The following DENND5A variants were observed in gnomAD, a reference collection of about 807,000 sequenced individuals.
DENND5A encodes the protein DENN domain-containing protein 5A.
Under a neutral mutation model 140.3 loss-of-function variants are expected in DENND5A, and 64 were observed. The ratio of observed to expected loss-of-function variants is 0.46; its 90% confidence interval spans 0.37 to 0.56. The LOEUF (loss-of-function observed/expected upper bound fraction) is 0.56, where lower values mean the gene tolerates loss of function less well. Among genes scored for constraint, DENND5A ranks in the 20% least tolerant of loss-of-function variants. DENND5A has a pLI of 0.00. For synonymous variants in DENND5A, 605 were observed against 607.7 expected (o/e 1.00, Z 0.07); for missense variants, 1,292 against 1,593.8 (o/e 0.81, Z 3.22).
chr11:9,150,891 T>C (rs752444619), intron 13 of DENND5A, 127 bp from the exon 14 acceptor site: 6 of 484,846 alleles, frequency 1.2e-5, no homozygotes, highest in Admixed American at 3.8e-5. Flanking sequence ...CTTTAATTGA[T>C]TGTTTCATAA....
Position 9,145,167 on chromosome 11 carries a change from G to A in DENND5A, c.3004-54C>T, listed in dbSNP as rs1847385411. The A allele has an allele frequency of 3.0e-6, 4 of 1,312,178 alleles. No individual in the cohort carries two copies. In the East Asian group the frequency reaches 6.9e-5, roughly 23 times the overall value. The allele number at this position is 1,312,178 out of a possible 1,614,324, so 81.3% of individuals were successfully genotyped here. A position where few individuals can be genotyped will look rare whatever the true frequency, so the allele number is the denominator to read the frequency against. On this transcript the variant is annotated intron_variant, in intron 17 of 22. Transcript: ENST00000328194. ...GTCAGGAAAATCAGAGAAAAGAACA[G>A]TAGTTCTCGGAGGCACAGATCTGAC... is the stretch of plus-strand genomic sequence containing the variant.
chr11:9,180,771 T>C lies in DENND5A; in HGVS notation c.1451A>G (p.Glu484Gly). 1 of 1,613,768 alleles carries C rather than the reference T, an allele frequency of 6.2e-7. No homozygotes were observed. The highest frequency in any genetic ancestry group is 8.5e-7 in the Non-Finnish European group (1 of 1,179,822). Residue 484 changes from glutamate to glycine, a missense_variant, in exon 6 of 23, where the codon GAA becomes GGA. Around this residue, in one of 4 missense-constraint regions of DENND5A, gnomAD observed 566 missense variants for 650.4 expected, o/e 0.87. Transcript: ENST00000328194. ...ALVKRTGVSL[E>G]KLEVREDPSS... ...AGACTCATATACACATCTTACCTTT[T>C]CCAGGCTCACCCCAGTTCTCTTGAC...
In DENND5A at chr11:9,246,818, TA is replaced by T. The variant is rs1851492846; in HGVS notation, c.109+18142del. The stretch of plus-strand genomic sequence containing the variant: ...AATCTTTGCATCTACCTACAACCCA[TA>T]AACCCCACTTCAAGACAGCGCTTCC... On this transcript the variant is annotated intron_variant, in intron 1 of 22. Transcript: ENST00000328194. Among the ~76,000 whole-genome samples, 5 of 152,130 alleles carry T rather than the reference TA, an allele frequency of 3.3e-5. No homozygotes were observed. The South Asian group carries it at 1.0e-3, about 32-fold the overall frequency.
At chr11:9,165,733 CAACAGTA>C (rs2136149124) in intron 11 of DENND5A, 96 bp downstream of exon 11, 7 of 1,366,622 alleles carry the variant, frequency 5.1e-6, no homozygotes, top group Non-Finnish European at 7.1e-6. Flanking sequence ...CACGCCCAGC[CAACAGTA>C]TTTTTAAAAT....
At chr11:9,237,747 G>A (rs1374402600) in intron 1 of DENND5A, among the ~76,000 whole-genome samples, 2 of 152,062 alleles carry the variant, frequency 1.3e-5, no homozygotes, top group Non-Finnish European at 1.5e-5. Flanking sequence ...GCCGGGCGTG[G>A]TGGCAAGCAC....
At chr11:9,207,453 A>G in intron 2 of DENND5A, 108 bp downstream of exon 2, 3 of 796,262 alleles carry the variant, frequency 3.8e-6, no homozygotes, top group Non-Finnish European at 6.2e-6. Flanking sequence ...AGTGGTCAAA[A>G]AAGGCACAAG....
chr11:9,208,659 A>G (rs964845599), intron 1 of DENND5A, among the ~76,000 whole-genome samples: 3 of 152,224 alleles, frequency 2.0e-5, no homozygotes, highest in African/African-American at 7.2e-5. Flanking sequence ...CAGCTCACTT[A>G]TTCACAATTT....
intron 4 of DENND5A, among the ~76,000 whole-genome samples, chr11:9,201,301 G>C (rs1004472048): frequency 7.9e-5 from 12 of 151,624 alleles, no homozygotes; most frequent in African/African-American, 2.9e-4. Context: ...CTTGAGTCCA[G>C]GATATCAAGA....
chr11:9,229,445 T>G (rs1401929304), intron 1 of DENND5A, among the ~76,000 whole-genome samples: 1 of 151,926 alleles, frequency 6.6e-6, no homozygotes, highest in Non-Finnish European at 1.5e-5. Context: ...AGAAGCAAAG[T>G]CTCTCCTTGC....
intron 12 of DENND5A, among the ~76,000 whole-genome samples, chr11:9,158,381 CAA>C (rs112287336): frequency 7.2e-6 from 1 of 139,534 alleles, no homozygotes; most frequent in Non-Finnish European, 1.6e-5. Flanking sequence ...CTCATCTCTA[CAA>C]AAAAAAAAAA....
At chr11:9,197,273 C>T (rs942599228) in intron 4 of DENND5A, among the ~76,000 whole-genome samples, 1 of 150,758 alleles carries the variant, frequency 6.6e-6, no homozygotes, top group Non-Finnish European at 1.5e-5. Flanking sequence ...CCACTGCACT[C>T]CAACCTGGGC....
intron 12 of DENND5A, among the ~76,000 whole-genome samples, chr11:9,159,291 T>C (rs927082706): frequency 8.5e-5 from 13 of 152,070 alleles, no homozygotes; most frequent in African/African-American, 2.9e-4. Context: ...ATGACACTAT[T>C]ATGACTAATG....
chr11:9,177,710 T>G (rs1303981855), intron 8 of DENND5A, among the ~76,000 whole-genome samples: 1 of 102,058 alleles, frequency 9.8e-6, no homozygotes, highest in African/African-American at 3.7e-5. Flanking sequence ...GAGGCTTTCA[T>G]TGACATCATT....
Position 9,139,373 on chromosome 11 carries a change from G to C in DENND5A, c.*298C>G, listed in dbSNP as rs1342505628. The stretch of plus-strand genomic sequence containing the variant: ...CACGCAGTGCCACAGGCTCAGTCCA[G>C]GGAGGCCTCAGGCTTCCAGCATGTG... On this transcript the variant is annotated 3_prime_UTR_variant, in exon 23 of 23. Coordinates refer to ENST00000328194, the MANE Select transcript of DENND5A (RefSeq NM_015213.4). 2.0e-5 allele frequency: 8 copies of C among 396,116 alleles called. No individual in the cohort carries two copies. Among genetic ancestry groups the C allele is most frequent in the Non-Finnish European group, 4.7e-6 (1 of 214,330 alleles). The allele number at this position is 396,116 out of a possible 1,614,324, so 24.5% of individuals were successfully genotyped here. A position where few individuals can be genotyped will look rare whatever the true frequency, so the allele number is the denominator to read the frequency against.
At chr11:9,162,863 ATTT>A (rs61181938) in intron 11 of DENND5A, among the ~76,000 whole-genome samples, 50,055 of 136,742 alleles carry the variant, frequency 0.37, 8,957 homozygotes, top group Non-Finnish European at 0.43. Context: ...TTCTTTTGTG[ATTT>A]TTTTTTTTTT....
intron 4 of DENND5A, among the ~76,000 whole-genome samples, chr11:9,201,429 C>T (rs552093435): frequency 6.6e-6 from 1 of 151,356 alleles, no homozygotes; most frequent in African/African-American, 2.4e-5. Context: ...GTAATCCCAG[C>T]ACTTTGGGAA....
chr11:9,144,060 T>C (rs1162474435), intron 19 of DENND5A, 37 bp downstream of exon 19: 2 of 1,598,518 alleles, frequency 1.3e-6, no homozygotes, highest in Non-Finnish European at 1.7e-6. Context: ...TTCCCTAGAC[T>C]GTATGGCATG....
At chr11:9,252,518 T>C (rs901203817) in intron 1 of DENND5A, among the ~76,000 whole-genome samples, 3 of 150,606 alleles carry the variant, frequency 2.0e-5, no homozygotes, top group African/African-American at 7.3e-5. Context: ...GTGGTGGCGC[T>C]TGCATGTAGT....
At chr11:9,190,159 T>C (rs1283586084) in intron 5 of DENND5A, among the ~76,000 whole-genome samples, 4 of 152,208 alleles carry the variant, frequency 2.6e-5, no homozygotes, top group Admixed American at 6.5e-5. Flanking sequence ...GCTTTTGATT[T>C]TACAGGCTTA....
Sources: gnomAD v4.1 joint callset for allele counts (sites outside exome capture counted in the v4.1 genomes callset) on GRCh38, gnomAD v4.1.1 for gene constraint, gnomAD v4.1.1 regional missense constraint, MANE v1.5 for transcripts, NCBI Gene and HGNC (gene_info 2026-07-23, HGNC 2026-07-21) for gene names.